Variants in ARMC8 observed in about 807,000 individuals in gnomAD.
ARMC8 encodes the protein armadillo repeat containing 8.
ARMC8 carries 20 observed loss-of-function variants against 99.3 expected under a neutral mutation model. The observed-to-expected ratio is 0.20, with a 90% CI of 0.14 to 0.29. The LOEUF (loss-of-function observed/expected upper bound fraction) is 0.29. Ranked by LOEUF, ARMC8 falls within the 10% of genes least tolerant of loss-of-function variation. ARMC8 has a pLI of 1.00. For missense variants in ARMC8, 569 were observed against 809.5 expected, an observed-to-expected ratio of 0.70 and a Z score of 3.60; for synonymous variants, 263 against 278.3, an observed-to-expected ratio of 0.95 and a Z score of 0.55.
At chr3:138,208,026 T>G (rs148399057) in intron 1 of ARMC8, among the ~76,000 whole-genome samples, 2 of 151,704 alleles carry the variant, frequency 1.3e-5, no homozygotes, top group Non-Finnish European at 2.9e-5. Flanking sequence ...CTTGGGAGGC[T>G]GAGATGAGAG....
intron 12 of ARMC8, among the ~76,000 whole-genome samples, chr3:138,255,198 T>G (rs1157558218): frequency 2.1e-5 from 3 of 145,238 alleles, no homozygotes; most frequent in Non-Finnish European, 4.5e-5. Flanking sequence ...TCTGTTTTTT[T>G]TTTTTTTGTT....
At chr3:138,283,591 A>C (rs529714192) in intron 18 of ARMC8, among the ~76,000 whole-genome samples, 2 of 152,154 alleles carry the variant, frequency 1.3e-5, no homozygotes, top group African/African-American at 4.8e-5. Context: ...CATAATAGTT[A>C]CTTAGTAAAT....
chr3:138,258,214 A>AAGTTTGCT (rs1338643722), intron 12 of ARMC8, among the ~76,000 whole-genome samples: 1 of 152,186 alleles, frequency 6.6e-6, no homozygotes, highest in Non-Finnish European at 1.5e-5. Context: ...GACACCACTG[A>AAGTTTGCT]GAATCTACCT....
chr3:138,262,429 C>A, intron 12 of ARMC8: 1 of 1,234,824 alleles, frequency 8.1e-7, no homozygotes, highest in South Asian at 1.6e-5. Flanking sequence ...TGATATTTTC[C>A]CTGATCATTG....
At chr3:138,268,362 C>T (rs2048471543) in intron 15 of ARMC8, among the ~76,000 whole-genome samples, 1 of 152,176 alleles carries the variant, frequency 6.6e-6, no homozygotes, top group African/African-American at 2.4e-5. Context: ...AAAGGCAAAA[C>T]AGACACCAGA....
rs753305052 is a variant in ARMC8, at chr3:138,296,133, CT to C, written c.*244del. ...TTTTTTTTTCTGAGCTACTCGGACT[CT>C]TTATTAGAACAATCAATCATTTTCC... On this transcript the variant is annotated 3_prime_UTR_variant, in exon 22 of 22. Transcript: ENST00000469044. 1 of 452,250 alleles carries C rather than the reference CT, an allele frequency of 2.2e-6. No homozygotes were observed. The allele number at this position is 452,250 out of a possible 1,614,324, so 28.0% of individuals were successfully genotyped here.
intron 10 of ARMC8, among the ~76,000 whole-genome samples, chr3:138,241,411 G>A (rs2046614422): frequency 6.6e-6 from 1 of 152,088 alleles, no homozygotes; most frequent in Non-Finnish European, 1.5e-5. Flanking sequence ...TAAACTGCTG[G>A]GTCTTTTTTA....
intron 12 of ARMC8, among the ~76,000 whole-genome samples, chr3:138,251,093 G>A (rs895122740): frequency 4.6e-5 from 7 of 152,034 alleles, no homozygotes; most frequent in Non-Finnish European, 8.8e-5. Context: ...CGAGGCTGCA[G>A]TGAGCCGTGA....
At chr3:138,243,213 C>T (rs986495771) in intron 11 of ARMC8, among the ~76,000 whole-genome samples, 2 of 152,222 alleles carry the variant, frequency 1.3e-5, no homozygotes, top group African/African-American at 4.8e-5. Flanking sequence ...AATCATTTAA[C>T]TAGTACGTAG....
At chr3:138,211,954 CAG>C (rs1462875094) in intron 2 of ARMC8, among the ~76,000 whole-genome samples, 1 of 151,830 alleles carries the variant, frequency 6.6e-6, no homozygotes, top group Non-Finnish European at 1.5e-5. Context: ...GGGAAAAAAA[CAG>C]AGGAGACAGT....
chr3:138,249,288 T>C (rs1374350523), intron 12 of ARMC8, among the ~76,000 whole-genome samples: 1 of 151,994 alleles, frequency 6.6e-6, no homozygotes, highest in African/African-American at 2.4e-5. Flanking sequence ...CCTCTGGTCA[T>C]ATAGTCAGGG....
At chr3:138,231,207 G>C (rs1488311559) in intron 6 of ARMC8, among the ~76,000 whole-genome samples, 1 of 152,088 alleles carries the variant, frequency 6.6e-6, no homozygotes, top group African/African-American at 2.4e-5. Context: ...CTGACAACAT[G>C]TATCTTTGAG....
intron 18 of ARMC8, among the ~76,000 whole-genome samples, chr3:138,277,838 ATTTGT>A (rs1468829960): frequency 1.7e-4 from 26 of 152,356 alleles, no homozygotes; most frequent in African/African-American, 5.8e-4. Context: ...TAACAACTTT[ATTTGT>A]ATCATCAAAA....
intron 19 of ARMC8, among the ~76,000 whole-genome samples, chr3:138,286,650 T>C (rs1438250569): frequency 2.6e-5 from 4 of 152,224 alleles, no homozygotes; most frequent in Non-Finnish European, 5.9e-5. Flanking sequence ...AAGATTCTTA[T>C]TTAATAGATC....
intron 21 of ARMC8, among the ~76,000 whole-genome samples, chr3:138,291,261 A>T (rs1373506792): frequency 6.6e-6 from 1 of 152,236 alleles, no homozygotes; most frequent in African/African-American, 2.4e-5. Context: ...AGCATGGCTT[A>T]GAAGCCCTTC....
intron 20 of ARMC8, among the ~76,000 whole-genome samples, chr3:138,290,104 A>C (rs995394390): frequency 6.6e-6 from 1 of 152,244 alleles, no homozygotes; most frequent in Non-Finnish European, 1.5e-5. Context: ...GGCAACAAAA[A>C]GTGCTGGGAG....
chr3:138,264,321 G>A, intron 14 of ARMC8, 109 bp downstream of exon 14: 2 of 754,358 alleles, frequency 2.7e-6, no homozygotes, highest in South Asian at 1.9e-5. Flanking sequence ...TTTGTGTAGA[G>A]CATTTTGAAC....
At chr3:138,188,435 C>T (rs573384516) in intron 1 of ARMC8, 1 of 1,589,968 alleles carries the variant, frequency 6.3e-7, no homozygotes, top group South Asian at 1.1e-5. Flanking sequence ...TCACCTTTCA[C>T]TATGTTGCTC....
chr3:138,263,526 C>CAGG (rs1163669634), intron 12 of ARMC8: 1 of 586,022 alleles, frequency 1.7e-6, no homozygotes, highest in Non-Finnish European at 3.1e-6. Context: ...CTGCCCCTTA[C>CAGG]GCCTGTCATT....
Sources: gnomAD v4.1 joint callset for allele counts (sites outside exome capture counted in the v4.1 genomes callset) on GRCh38, gnomAD v4.1.1 for gene constraint, MANE v1.5 for transcripts, NCBI Gene and HGNC (gene_info 2026-07-23, HGNC 2026-07-21) for gene names.